Variants in XPNPEP3 observed in about 807,000 individuals in gnomAD.
The protein encoded by XPNPEP3 is X-prolyl aminopeptidase 3, also known as xaa-Pro aminopeptidase 3.
A neutral mutation model predicts 60.0 loss-of-function variants in XPNPEP3; 41 were observed. The observed-to-expected ratio is 0.68, with a 90% CI of 0.53 to 0.89. XPNPEP3 has a LOEUF of 0.89. Among genes scored for constraint, XPNPEP3 ranks in the 40% least tolerant of loss-of-function variants. The pLI, the probability that XPNPEP3 is intolerant of heterozygous loss-of-function variation, is 0.00. For synonymous variants in XPNPEP3, 212 were observed against 223.2 expected (o/e 0.95, Z 0.45); for missense variants, 598 against 638.9 (o/e 0.94, Z 0.69).
intron 4 of XPNPEP3, among the ~76,000 whole-genome samples, chr22:40,897,586 C>T (rs1186970096): frequency 2.6e-5 from 4 of 151,826 alleles, no homozygotes; most frequent in African/African-American, 4.8e-5. Context: ...CCTGCAGCCT[C>T]GAACTCCTGG....
chr22:40,878,128 C>A (rs1165309602), intron 2 of XPNPEP3, among the ~76,000 whole-genome samples: 2 of 151,736 alleles, frequency 1.3e-5, no homozygotes, highest in Admixed American at 1.3e-4. Context: ...ATTGCTTGAA[C>A]CTGGGAGGCG....
intron 1 of XPNPEP3, chr22:40,862,132 A>G (rs1225547954): frequency 2.7e-6 from 4 of 1,465,704 alleles, no homozygotes; most frequent in Non-Finnish European, 2.7e-6. Context: ...TGTTATTACC[A>G]TGTGCTAAGA....
At position 40,926,484 on chromosome 22, in the gene XPNPEP3, G is replaced by C. The variant is rs1352602898; in HGVS notation, c.*49G>C. 1 of 1,606,102 alleles carries C rather than the reference G, an allele frequency of 6.2e-7. No homozygotes were observed. The highest frequency in any genetic ancestry group is 1.1e-5 in the South Asian group (1 of 90,846). On this transcript the variant is annotated 3_prime_UTR_variant, in exon 10 of 10. Transcript: ENST00000357137. ...CTCAGGTTCAAAATGGGTGTCTTCT[G>C]GCAGCCCTGCACGTGTGCTTTCTGA...
intron 4 of XPNPEP3, among the ~76,000 whole-genome samples, chr22:40,896,002 A>G (rs1182179104): frequency 6.6e-6 from 1 of 152,168 alleles, no homozygotes; most frequent in East Asian, 1.9e-4. Flanking sequence ...ATCTCTTACC[A>G]TGCTGATATT....
intron 4 of XPNPEP3, among the ~76,000 whole-genome samples, chr22:40,890,950 C>T (rs928716209): frequency 5.3e-5 from 8 of 152,102 alleles, no homozygotes; most frequent in African/African-American, 1.9e-4. Context: ...TTCTCATATA[C>T]TGTATATTAT....
chr22:40,926,342 TGTA>T lies in XPNPEP3; in HGVS notation c.1434_1436del (p.Val480del). On this transcript the variant is annotated inframe_deletion, in exon 10 of 10. Coordinates refer to ENST00000357137, the MANE Select transcript of XPNPEP3 (RefSeq NM_022098.4). ...GTCTTGGTGTACGAATTGAGGATGATGTAGTGGTGACTCAGGACTCACCTCTCA... is the reference window on the plus strand; with the variant it reads ...GTCTTGGTGTACGAATTGAGGATGATGTGGTGACTCAGGACTCACCTCTCA... 1 of 1,614,156 alleles carries T rather than the reference TGTA, an allele frequency of 6.2e-7. No homozygotes were observed. The highest frequency in any genetic ancestry group is 8.5e-7 in the Non-Finnish European group (1 of 1,180,034).
In XPNPEP3 at chr22:40,877,372, A is replaced by G. The variant is rs572834895; in HGVS notation, c.182-4398A>G. Reference sequence around the variant, plus strand: ...AAAATCAGACCATGTTAAAATTCTAATCTAGTTAGTTTCAGGAAATAATTA... The same window carrying G: ...AAAATCAGACCATGTTAAAATTCTAGTCTAGTTAGTTTCAGGAAATAATTA... On this transcript the variant is annotated intron_variant, in intron 2 of 9. Transcript: ENST00000357137. Among the ~76,000 whole-genome samples the G allele has an allele frequency of 9.2e-5, 14 of 152,346 alleles. No individual in the cohort carries two copies. In the South Asian group the frequency reaches 1.7e-3, roughly 18 times the overall value.
At chr22:40,905,193 C>A (rs180986447) in intron 4 of XPNPEP3, among the ~76,000 whole-genome samples, 1 of 151,944 alleles carries the variant, frequency 6.6e-6, no homozygotes, top group Admixed American at 6.6e-5. Context: ...AATTCTCCTG[C>A]CTCAGCCTCC....
In XPNPEP3 at chr22:40,928,497, G is replaced by T. The variant is rs1175037244; in HGVS notation, c.*2062G>T. ...GCTAGGATTACAGGCATGAGCCACTGCGCCCGGTGTAAGAGTCATATTTTT... is the reference window on the plus strand; with the variant it reads ...GCTAGGATTACAGGCATGAGCCACTTCGCCCGGTGTAAGAGTCATATTTTT... On this transcript the variant is annotated 3_prime_UTR_variant, in exon 10 of 10. Transcript: ENST00000357137. The T allele has an allele frequency of 6.6e-6, 1 of 152,184 alleles. No homozygotes were observed. Among genetic ancestry groups the T allele is most frequent in the East Asian group, 1.9e-4 (1 of 5,190 alleles). The allele number at this position is 152,184 out of a possible 1,614,324, so 9.4% of individuals were successfully genotyped here. A position where few individuals can be genotyped will look rare whatever the true frequency, so the allele number is the denominator to read the frequency against.
intron 7 of XPNPEP3, among the ~76,000 whole-genome samples, chr22:40,921,576 C>T (rs3884724): frequency 1.2e-3 from 180 of 150,588 alleles, no homozygotes; most frequent in Non-Finnish European, 6.2e-4. Context: ...CTGTGGGTTT[C>T]TTATGCTATT....
chr22:40,882,585 C>T lies in XPNPEP3; in HGVS notation c.589+408C>T, dbSNP rs963965740. Reference sequence around the variant, plus strand: ...CCGGGAGGTGGAGGTTGCAGTGATCCGAGATCATGCCACTGCATTCCAGCC... The same window carrying T: ...CCGGGAGGTGGAGGTTGCAGTGATCTGAGATCATGCCACTGCATTCCAGCC... On this transcript the variant is annotated intron_variant, in intron 3 of 9. Coordinates refer to ENST00000357137, the MANE Select transcript of XPNPEP3 (RefSeq NM_022098.4). 2.6e-5 allele frequency among the ~76,000 whole-genome samples: 4 copies of T among 151,614 alleles called. No homozygotes were observed. In the East Asian group the frequency reaches 5.8e-4, roughly 22 times the overall value.
chr22:40,884,917 A>G (rs1484744214), intron 3 of XPNPEP3, among the ~76,000 whole-genome samples: 1 of 151,750 alleles, frequency 6.6e-6, no homozygotes, highest in Admixed American at 6.6e-5. Flanking sequence ...AATCCCAGCT[A>G]CTTGGGAGGT....
chr22:40,876,596 A>G (rs1474580623), intron 2 of XPNPEP3, among the ~76,000 whole-genome samples: 1 of 152,178 alleles, frequency 6.6e-6, no homozygotes, highest in African/African-American at 2.4e-5. Context: ...ACAAAAACCT[A>G]ACTCAGAATC....
At chr22:40,888,464 G>A (rs1025237707) in intron 4 of XPNPEP3, 8 of 418,718 alleles carry the variant, frequency 1.9e-5, no homozygotes, top group Non-Finnish European at 3.8e-5. Flanking sequence ...GGCTAGTCTC[G>A]AACTCCTGAG....
chr22:40,879,954 G>GAGGT (rs1349747417), intron 2 of XPNPEP3, among the ~76,000 whole-genome samples: 1 of 149,236 alleles, frequency 6.7e-6, no homozygotes, highest in East Asian at 2.0e-4. Flanking sequence ...TTGAACCCAG[G>GAGGT]AGGTAAGAGT....
At chr22:40,864,589 G>A (rs1229712607) in intron 1 of XPNPEP3, among the ~76,000 whole-genome samples, 1 of 152,060 alleles carries the variant, frequency 6.6e-6, no homozygotes, top group Non-Finnish European at 1.5e-5. Flanking sequence ...GGGATTACAG[G>A]CATGCACCAC....
intron 2 of XPNPEP3, chr22:40,870,116 A>G: frequency 2.1e-6 from 1 of 470,734 alleles, no homozygotes; most frequent in Non-Finnish European, 4.4e-6. Flanking sequence ...CCCACAAGAA[A>G]TCAGAGTTTT....
chr22:40,922,533 C>T lies in XPNPEP3; in HGVS notation c.1236+20C>T. On this transcript the variant is annotated intron_variant, in intron 8 of 9. Coordinates refer to ENST00000357137, the MANE Select transcript of XPNPEP3 (RefSeq NM_022098.4). ...TTCAAGGTACTTCACTTCTCTTGAC[C>T]CCAGTTCTCAAGAACACCTAGCATG... The T allele has an allele frequency of 1.9e-6, 3 of 1,612,774 alleles. No individual in the cohort carries two copies. The highest frequency in any genetic ancestry group is 2.2e-5 in the East Asian group (1 of 44,840).
chr22:40,902,939 C>A (rs1351439921), intron 4 of XPNPEP3, among the ~76,000 whole-genome samples: 2 of 152,158 alleles, frequency 1.3e-5, no homozygotes, highest in Non-Finnish European at 2.9e-5. Flanking sequence ...GATGAATGCC[C>A]AGAACACCTC....
Sources: gnomAD v4.1 joint callset for allele counts (sites outside exome capture counted in the v4.1 genomes callset) on GRCh38, gnomAD v4.1.1 for gene constraint, MANE v1.5 for transcripts, NCBI Gene and HGNC (gene_info 2026-07-23, HGNC 2026-07-21) for gene names.